Variants in CFAP100 observed in about 807,000 individuals in gnomAD.
The protein encoded by CFAP100 is cilia and flagella associated protein 100.
In CFAP100, 70 loss-of-function variants were observed where a neutral mutation model predicts 81.5. The observed-to-expected ratio is 0.86, with a 90% confidence interval of 0.71 to 1.05. The LOEUF is 1.05. Among genes scored for constraint, CFAP100 ranks in the 50% least tolerant of loss-of-function variants. The probability of loss-of-function intolerance (pLI) is 0.00; values close to 1 mark genes in which losing one functional copy is unlikely to be tolerated. For synonymous variants in CFAP100, 341 were observed against 314.8 expected, an observed-to-expected ratio of 1.08 and a Z score of -0.88; for missense variants, 811 against 776.5, an observed-to-expected ratio of 1.04 and a Z score of -0.53.
rs1560066201 is a variant in CFAP100, at chr3:126,409,177, T to TC, written c.130+1930dup. Among the ~76,000 whole-genome samples, 12 of 152,060 alleles carry TC rather than the reference T, an allele frequency of 7.9e-5. No homozygotes were observed. In the South Asian group the frequency reaches 2.5e-3, roughly 32 times the overall value. On this transcript the variant is annotated intron_variant, in intron 3 of 16. Coordinates refer to ENST00000352312, the MANE Select transcript of CFAP100 (RefSeq NM_182628.3). The stretch of plus-strand genomic sequence containing the variant: ...TTTCCATCTCCCCAGAAATTATCCG[T>TC]CCCCCAGAGACAGGCACTCTTCAGC...
At position 126,434,376 on chromosome 3, in the gene CFAP100, C is replaced by G. The variant is rs767994913; in HGVS notation, c.1623C>G (p.Arg541=). ...AGAGGGCAAAGGAGAAGGAGCGGCG[C>G]ATCAGGTGAGCTCTAGGCTCTCCCT... ...QAERAKEKER[R]IRLREEKLQM... Residue 541 remains arginine, a synonymous_variant, in exon 15 of 17, where the codon CGC becomes CGG. Transcript: ENST00000352312. 6.2e-7 allele frequency: 1 copy of G among 1,612,544 alleles called. No homozygotes were observed. Among genetic ancestry groups the G allele is most frequent in the Non-Finnish European group, 8.5e-7 (1 of 1,179,308 alleles).
In CFAP100 at chr3:126,416,315, G is replaced by T; in HGVS notation, c.226-1G>T. ...CGCCCGACTTGGCCCGACGCCCCCA[G>T]GAACGGCAGCAGCAGAAGACGATGC... On this transcript the variant is annotated splice_acceptor_variant, in intron 4 of 16. Coordinates refer to ENST00000352312, the MANE Select transcript of CFAP100 (RefSeq NM_182628.3). LOFTEE classifies it high-confidence loss of function. 6.3e-7 allele frequency: 1 copy of T among 1,581,440 alleles called. No homozygotes were observed. The highest frequency in any genetic ancestry group is 1.1e-5 in the South Asian group (1 of 88,550).
chr3:126,417,189 C>T (rs2083258256), intron 5 of CFAP100, among the ~76,000 whole-genome samples: 1 of 152,192 alleles, frequency 6.6e-6, no homozygotes, highest in African/African-American at 2.4e-5. Flanking sequence ...TGGTCATACC[C>T]AGGTCACCTG....
At chr3:126,432,918 C>T (rs1933287937) in intron 13 of CFAP100, 151 bp from the exon 14 acceptor site, 1 of 636,162 alleles carries the variant, frequency 1.6e-6, no homozygotes, top group East Asian at 3.1e-5. Flanking sequence ...GCATTTCTGA[C>T]CCCCTGGGCA....
intron 13 of CFAP100, among the ~76,000 whole-genome samples, chr3:126,425,362 T>C (rs906757991): frequency 1.5e-4 from 23 of 152,090 alleles, no homozygotes; most frequent in African/African-American, 5.6e-4. Context: ...TAAAAATATA[T>C]AAAACAAATA....
At chr3:126,422,446 C>T (rs1576640040) in intron 11 of CFAP100, among the ~76,000 whole-genome samples, 7 of 152,166 alleles carry the variant, frequency 4.6e-5, no homozygotes, top group Admixed American at 4.6e-4. Flanking sequence ...CATCTCCAAG[C>T]CCAAGCTTAG....
intron 2 of CFAP100, 109 bp from the exon 3 acceptor site, chr3:126,407,063 T>G (rs2083074064): frequency 1.5e-6 from 1 of 650,316 alleles, no homozygotes; most frequent in Admixed American, 2.6e-5. Flanking sequence ...GGGAGGGAGC[T>G]GAGGTTGAGC....
At position 126,434,366 on chromosome 3, in the gene CFAP100, A is replaced by G; in HGVS notation, c.1613A>G (p.Lys538Arg). 6.2e-7 allele frequency: 1 copy of G among 1,613,590 alleles called. No homozygotes were observed. Among genetic ancestry groups the G allele is most frequent in the South Asian group, 1.1e-5 (1 of 90,984 alleles). Residue 538 changes from lysine (K) to arginine (R), a missense_variant, in exon 15 of 17, where the codon AAG becomes AGG. Coordinates refer to ENST00000352312, the MANE Select transcript of CFAP100 (RefSeq NM_182628.3). ...GAGCAGGCCGAGAGGGCAAAGGAGA[A>G]GGAGCGGCGCATCAGGTGAGCTCTA... ...KIEQAERAKE[K>R]ERRIRLREEK...
intron 2 of CFAP100, 70 bp downstream of exon 2, chr3:126,396,119 C>G (rs527452291): frequency 4.1e-6 from 5 of 1,213,184 alleles, no homozygotes; most frequent in Non-Finnish European, 6.1e-6. Context: ...AGCTCCCTCA[C>G]AGGTTAAGGT....
intron 7 of CFAP100, 134 bp from the exon 8 acceptor site, chr3:126,418,940 TTA>T: frequency 9.8e-7 from 1 of 1,024,734 alleles, no homozygotes; most frequent in South Asian, 1.6e-5. Context: ...GGCAAAAGGC[TTA>T]ACTGTGTGGC....
intron 1 of CFAP100, 48 bp downstream of exon 1, chr3:126,395,026 G>C (rs1246030297): frequency 2.0e-5 from 3 of 152,698 alleles, no homozygotes; most frequent in African/African-American, 7.2e-5. Context: ...GGGTCCGTGA[G>C]GGCGCGTGGG....
chr3:126,428,391 A>T (rs1419923445), intron 13 of CFAP100, among the ~76,000 whole-genome samples: 1 of 152,220 alleles, frequency 6.6e-6, no homozygotes, highest in Non-Finnish European at 1.5e-5. Flanking sequence ...AGCACACAGC[A>T]TTTGCAGGGC....
rs756016367 is a variant in CFAP100, at chr3:126,423,577, A to G, written c.1219A>G (p.Asn407Asp). The G allele has an allele frequency of 3.1e-6, 5 of 1,612,978 alleles. No individual in the cohort carries two copies. The highest frequency in any genetic ancestry group is 2.5e-6 in the Non-Finnish European group (3 of 1,179,076). Reference protein sequence around the residue: ...LEEQNLSLIQNSQETEKTLEE... With the variant: ...LEEQNLSLIQDSQETEKTLEE... Reference sequence around the variant, plus strand: ...GGAGCAGAACCTGTCGCTGATCCAGAACAGCCAGGAGACGGAGAAGACCCT... The same window carrying G: ...GGAGCAGAACCTGTCGCTGATCCAGGACAGCCAGGAGACGGAGAAGACCCT... The change falls in exon 13 of 17, where the codon AAC becomes GAC. Residue 407 changes from asparagine (N) to aspartate (D), a missense_variant. Asn to Asp is a conservative substitution (Grantham distance 23). Coordinates refer to ENST00000352312, the MANE Select transcript of CFAP100 (RefSeq NM_182628.3).
chr3:126,432,812 C>A, intron 13 of CFAP100: 1 of 352,414 alleles, frequency 2.8e-6, no homozygotes. Context: ...GATGGTTATG[C>A]TAATTTTATT....
chr3:126,413,951 C>T, intron 3 of CFAP100, 134 bp from the exon 4 acceptor site: 1 of 695,266 alleles, frequency 1.4e-6, no homozygotes. Flanking sequence ...TTAGGCACAG[C>T]TGGATCCAGG....
chr3:126,396,043 A>G lies in CFAP100; in HGVS notation c.43A>G (p.Asn15Asp), dbSNP rs1216996819. 6.2e-7 allele frequency: 1 copy of G among 1,613,798 alleles called. No homozygotes were observed. The highest frequency in any genetic ancestry group is 2.2e-5 in the East Asian group (1 of 44,892). ...CACTATAGTCTCCAAGAACATGACCAATGACAGTAAGTACCGGGCCAGGGT... is the reference window on the plus strand; with the variant it reads ...CACTATAGTCTCCAAGAACATGACCGATGACAGTAAGTACCGGGCCAGGGT... ...PSTIVSKNMT[N>D]DKNSLESMNI... The change falls in exon 2 of 17, where the codon AAT (asparagine) becomes GAT (aspartate). Residue 15 changes from asparagine (N) to aspartate (D), a missense_variant. By Grantham distance (23) the Asn-to-Asp change is conservative (BLOSUM62 1). Coordinates refer to ENST00000352312, the MANE Select transcript of CFAP100 (RefSeq NM_182628.3).
intron 2 of CFAP100, among the ~76,000 whole-genome samples, chr3:126,402,335 T>G (rs2082998145): frequency 6.6e-6 from 1 of 152,086 alleles, no homozygotes; most frequent in African/African-American, 2.4e-5. Flanking sequence ...CACAGATCCC[T>G]AGGACAGAAG....
In CFAP100 at chr3:126,419,628, C is replaced by A; in HGVS notation, c.732-9C>A. Reference sequence around the variant, plus strand: ...CTCCTTCCCACATCCTCACCCCGCCCCGGTGTAGTGAGATCTCCAGATTTG... The same window carrying A: ...CTCCTTCCCACATCCTCACCCCGCCACGGTGTAGTGAGATCTCCAGATTTG... On this transcript the variant is annotated splice_polypyrimidine_tract_variant and intron_variant, in intron 8 of 16. Coordinates refer to ENST00000352312, the MANE Select transcript of CFAP100 (RefSeq NM_182628.3). 1.2e-6 allele frequency: 2 copies of A among 1,611,924 alleles called. No individual in the cohort carries two copies. The highest frequency in any genetic ancestry group is 1.7e-6 in the Non-Finnish European group (2 of 1,178,830).
chr3:126,406,819 G>C (rs1364401249), intron 2 of CFAP100, among the ~76,000 whole-genome samples: 2 of 152,188 alleles, frequency 1.3e-5, no homozygotes, highest in Non-Finnish European at 2.9e-5. Flanking sequence ...GGCCACGCCG[G>C]GGTCAGAGGC....
Sources: gnomAD v4.1 joint callset for allele counts (sites outside exome capture counted in the v4.1 genomes callset) on GRCh38, gnomAD v4.1.1 for gene constraint, MANE v1.5 for transcripts, NCBI Gene and HGNC (gene_info 2026-07-23, HGNC 2026-07-21) for gene names.